The following SLC7A13 variants were observed in gnomAD, a reference collection of about 807,000 sequenced individuals.
The protein encoded by SLC7A13 is solute carrier family 7 member 13.
A neutral mutation model predicts 32.0 loss-of-function variants in SLC7A13; 31 were observed. The ratio of observed to expected loss-of-function variants is 0.97; its 90% CI spans 0.73 to 1.31. The LOEUF is 1.31. SLC7A13 is among the 50% of genes most tolerant of loss of function. The pLI, the probability that SLC7A13 is intolerant of heterozygous loss-of-function variation, is 0.00. For synonymous variants in SLC7A13, 232 were observed against 206.9 expected (o/e 1.12, Z -1.04); for missense variants, 633 against 546.9 (o/e 1.16, Z -1.57).
At chr8:86,229,451 G>A (rs1027426049) in intron 1 of SLC7A13, 142 bp downstream of exon 1, 2 of 784,016 alleles carry the variant, frequency 2.6e-6, no homozygotes, top group Non-Finnish European at 4.0e-6. Context: ...CAAGTGCCAG[G>A]CTGGCATGAT....
chr8:86,217,441 A>C (rs1222769037), intron 3 of SLC7A13, 29 bp downstream of exon 3: 7 of 1,502,872 alleles, frequency 4.7e-6, no homozygotes, highest in Non-Finnish European at 5.3e-6. Context: ...GTTATTTCAC[A>C]CAGAAAAGAA....
intron 3 of SLC7A13, among the ~76,000 whole-genome samples, chr8:86,216,994 T>C (rs1217390915): frequency 6.6e-6 from 1 of 152,186 alleles, no homozygotes; most frequent in Non-Finnish European, 1.5e-5. Context: ...GTGAAAAGTT[T>C]TTTCATCCAG....
intron 1 of SLC7A13, among the ~76,000 whole-genome samples, chr8:86,227,570 A>T (rs554674271): frequency 6.6e-6 from 1 of 152,326 alleles, no homozygotes; most frequent in Admixed American, 6.5e-5. Context: ...CATTTGACAC[A>T]GCAATTCCAC....
At chr8:86,218,514 G>T (rs1337361982) in intron 2 of SLC7A13, among the ~76,000 whole-genome samples, 1 of 152,152 alleles carries the variant, frequency 6.6e-6, no homozygotes, top group African/African-American at 2.4e-5. Context: ...GGAGGTTGCT[G>T]CTGGTGTCTA....
chr8:86,224,897 T>C (rs1359184516), intron 1 of SLC7A13, among the ~76,000 whole-genome samples: 2 of 152,098 alleles, frequency 1.3e-5, no homozygotes, highest in Non-Finnish European at 2.9e-5. Context: ...TTCATATTTA[T>C]TTATTTATTT....
rs146152645 is a variant in SLC7A13 at position 86,214,072 on chromosome 8, A to G, written c.*341T>C. On this transcript the variant is annotated 3_prime_UTR_variant, in exon 4 of 4. Transcript: ENST00000297524. The stretch of plus-strand genomic sequence containing the variant: ...AGGAATGCTTTTAAAATTTTTAGTC[A>G]TTCACTTTTATTATAGGATCCCCAC... The G allele has an allele frequency of 1.6e-3, 280 of 172,266 alleles. 1 individual carries two copies. The highest frequency in any genetic ancestry group is 6.3e-3 in the African/African-American group (268 of 42,340). The allele number at this position is 172,266 out of a possible 1,614,324, so 10.7% of individuals were successfully genotyped here.
intron 2 of SLC7A13, 21 bp from the exon 3 acceptor site, chr8:86,217,852 A>C: frequency 6.6e-7 from 1 of 1,507,382 alleles, no homozygotes; most frequent in Non-Finnish European, 8.8e-7. Flanking sequence ...ACAAAAATAC[A>C]CAAAAGAAAA....
chr8:86,218,750 T>A (rs576591831), intron 2 of SLC7A13, among the ~76,000 whole-genome samples: 1 of 152,158 alleles, frequency 6.6e-6, no homozygotes, highest in South Asian at 2.1e-4. Context: ...AAAGCATCCA[T>A]TGTTTGTGAG....
At chr8:86,228,167 C>T (rs1208641511) in intron 1 of SLC7A13, among the ~76,000 whole-genome samples, 1 of 152,122 alleles carries the variant, frequency 6.6e-6, no homozygotes, top group Non-Finnish European at 1.5e-5. Flanking sequence ...TCTGAGTGAA[C>T]CAAGAAGATG....
At chr8:86,223,793 GCACA>G (rs59737111) in intron 1 of SLC7A13, among the ~76,000 whole-genome samples, 19,796 of 147,054 alleles carry the variant, frequency 0.13, 1,598 homozygotes, top group South Asian at 0.32. Context: ...ACACTAAAAT[GCACA>G]CACACACACA....
rs1233710371 is a variant in SLC7A13, at chr8:86,214,208, A to G, written c.*205T>C. 1 of 444,390 alleles carries G rather than the reference A, an allele frequency of 2.3e-6. No homozygotes were observed. The highest frequency in any genetic ancestry group is 4.0e-6 in the Non-Finnish European group (1 of 251,520). The allele number at this position is 444,390 out of a possible 1,614,324, so 27.5% of individuals were successfully genotyped here. A position where few individuals can be genotyped will look rare whatever the true frequency, so the allele number is the denominator to read the frequency against. On this transcript the variant is annotated 3_prime_UTR_variant, in exon 4 of 4. Transcript: ENST00000297524. Reference sequence around the variant, plus strand: ...AGGACTTAAGTTTTTTACCATGCGAAGCAGAGCTTTTAGCAATTTCTTAGT... The same window carrying G: ...AGGACTTAAGTTTTTTACCATGCGAGGCAGAGCTTTTAGCAATTTCTTAGT...
At position 86,222,988 on chromosome 8, in the gene SLC7A13, C is replaced by T. The variant is rs199520620; in HGVS notation, c.801G>A (p.Arg267=). ...CATACAAACCTGAAGAGAGAATTTC[C>T]CTGGGTGTCAGAACAGTCAGATAGG... ...NISYLTVLTP[R]EILSSDAVAI... is the part of the protein sequence containing the mutation. The change falls in exon 2 of 4, where the codon AGG becomes AGA. Residue 267 remains arginine, a synonymous_variant. Transcript: ENST00000297524. The T allele has an allele frequency of 3.8e-5, 61 of 1,602,586 alleles. No individual in the cohort carries two copies. The East Asian group carries it at 1.3e-3, about 34-fold the overall frequency.
chr8:86,222,229 A>G lies in SLC7A13; in HGVS notation c.817+743T>C, dbSNP rs143221697. Among the ~76,000 whole-genome samples, 162 of 152,282 alleles carry G rather than the reference A, an allele frequency of 1.1e-3. 1 individual carries two copies. Among genetic ancestry groups the G allele is most frequent in the African/African-American group, 3.7e-3 (153 of 41,580 alleles). On this transcript the variant is annotated intron_variant, in intron 2 of 3. Coordinates refer to ENST00000297524, the MANE Select transcript of SLC7A13 (RefSeq NM_138817.3). Reference sequence around the variant, plus strand: ...GCTGCTCAAAAGACATTAGTCCTAAAGGTACTGGGTGATAGGTTTATCTTG... The same window carrying G: ...GCTGCTCAAAAGACATTAGTCCTAAGGGTACTGGGTGATAGGTTTATCTTG...
intron 2 of SLC7A13, among the ~76,000 whole-genome samples, chr8:86,222,223 T>C (rs1820309032): frequency 6.6e-6 from 1 of 152,150 alleles, no homozygotes; most frequent in South Asian, 2.1e-4. Context: ...AAGACATTAG[T>C]CCTAAAGGTA....
At chr8:86,218,244 A>G (rs1426756531) in intron 2 of SLC7A13, among the ~76,000 whole-genome samples, 1 of 152,194 alleles carries the variant, frequency 6.6e-6, no homozygotes, top group Non-Finnish European at 1.5e-5. Flanking sequence ...GAGTCCTGAT[A>G]GTTACATTCA....
chr8:86,217,611 C>G lies in SLC7A13; in HGVS notation c.1038G>C (p.Leu346Phe). The change falls in exon 3 of 4, where the codon TTG (leucine) becomes TTC (phenylalanine). Residue 346 changes from leucine to phenylalanine, a missense_variant. Leu to Phe is a conservative substitution (Grantham distance 22). Transcript: ENST00000297524. ...TTGTTAAGATAATTGCAAGGGATCC[C>G]AAAGTGACAAGTAGTAGCACAGCTG... is the stretch of plus-strand genomic sequence containing the variant. ...PFTAVLLLVTLGSLAIILTSL... is the reference protein window; with the variant it reads ...PFTAVLLLVTFGSLAIILTSL... 1 of 1,613,206 alleles carries G rather than the reference C, an allele frequency of 6.2e-7. No homozygotes were observed. The highest frequency in any genetic ancestry group is 8.5e-7 in the Non-Finnish European group (1 of 1,179,572).
chr8:86,219,450 T>C (rs1477310541), intron 2 of SLC7A13, among the ~76,000 whole-genome samples: 1 of 152,184 alleles, frequency 6.6e-6, no homozygotes, highest in African/African-American at 2.4e-5. Context: ...TAAAAATGAT[T>C]TCATATATGT....
chr8:86,220,866 T>C (rs1281182544), intron 2 of SLC7A13, among the ~76,000 whole-genome samples: 1 of 151,840 alleles, frequency 6.6e-6, no homozygotes, highest in Non-Finnish European at 1.5e-5. Flanking sequence ...TGGTGACCCA[T>C]GCCTGTAATC....
intron 3 of SLC7A13, chr8:86,215,731 TA>T: frequency 2.4e-6 from 1 of 417,866 alleles, no homozygotes; most frequent in South Asian, 1.7e-5. Context: ...CTTCTTAGCT[TA>T]TAAAGCGTCC....
Sources: gnomAD v4.1 joint callset for allele counts (sites outside exome capture counted in the v4.1 genomes callset) on GRCh38, gnomAD v4.1.1 for gene constraint, MANE v1.5 for transcripts, NCBI Gene and HGNC (gene_info 2026-07-23, HGNC 2026-07-21) for gene names.